NELL1: variants seen among roughly 807,000 people sequenced by gnomAD.
NELL1 encodes the protein protein kinase C-binding protein NELL1.
Under a neutral mutation model 107.4 loss-of-function variants are expected in NELL1, and 76 were observed. The observed-to-expected ratio is 0.71, with a 90% CI of 0.59 to 0.86. NELL1 has a LOEUF of 0.86. Ranked by LOEUF, NELL1 falls within the 40% of genes least tolerant of loss-of-function variation. The probability of loss-of-function intolerance (pLI) is 0.00; values close to 1 mark genes in which losing one functional copy is unlikely to be tolerated. For missense variants in NELL1, 1,024 were observed against 1,005.5 expected (o/e 1.02, Z -0.25); for synonymous variants, 353 against 341.2 (o/e 1.03, Z -0.38).
intron 12 of NELL1, among the ~76,000 whole-genome samples, chr11:21,062,815 T>A (rs1211067931): frequency 6.6e-6 from 1 of 151,860 alleles, no homozygotes; most frequent in Non-Finnish European, 1.5e-5. Flanking sequence ...TTTGTTTGTT[T>A]GTTTATTTAT....
At chr11:20,914,315 A>C (rs1251174509) in intron 5 of NELL1, among the ~76,000 whole-genome samples, 2 of 152,100 alleles carry the variant, frequency 1.3e-5, no homozygotes, top group Non-Finnish European at 2.9e-5. Context: ...CCATCAGTAC[A>C]TGTAAGATTT....
chr11:21,097,549 T>C (rs1386639480), intron 12 of NELL1, among the ~76,000 whole-genome samples: 1 of 151,660 alleles, frequency 6.6e-6, no homozygotes, highest in Non-Finnish European at 1.5e-5. Context: ...GGATGTGAGG[T>C]ACAGAGGTGG....
chr11:20,674,528 G>A, intron 1 of NELL1: 3 of 1,536,022 alleles, frequency 2.0e-6, no homozygotes, highest in Non-Finnish European at 2.6e-6. Context: ...CTGATATGGA[G>A]AACTAGAGTT....
In NELL1 at chr11:21,184,844, T is replaced by C. The variant is rs185740726; in HGVS notation, c.1427-44488T>C. 4.6e-4 allele frequency among the ~76,000 whole-genome samples: 70 copies of C among 151,996 alleles called. 3 individuals carry two copies. Among genetic ancestry groups the C allele is most frequent in the Middle Eastern group, 3.4e-3 (1 of 294 alleles). Reference sequence around the variant, plus strand: ...TGGAAAGTTTGAAGCCATCAAATAGTGAATCAACTTGTGAATTTCCTCATC... The same window carrying C: ...TGGAAAGTTTGAAGCCATCAAATAGCGAATCAACTTGTGAATTTCCTCATC... On this transcript the variant is annotated intron_variant, in intron 13 of 19. Transcript: ENST00000357134.
intron 4 of NELL1, among the ~76,000 whole-genome samples, chr11:20,874,479 G>A (rs999312083): frequency 9.9e-5 from 15 of 152,270 alleles, no homozygotes; most frequent in African/African-American, 2.6e-4. Flanking sequence ...GTATTTAGTC[G>A]AGTCACTTCA....
chr11:21,284,156 C>A (rs1220652021), intron 14 of NELL1: 1 of 439,742 alleles, frequency 2.3e-6, no homozygotes, highest in Admixed American at 2.4e-5. Flanking sequence ...TGACGACACC[C>A]TGCCACCATC....
chr11:21,015,994 C>T (rs888948037), intron 12 of NELL1, among the ~76,000 whole-genome samples: 7 of 151,988 alleles, frequency 4.6e-5, no homozygotes, highest in Admixed American at 3.3e-4. Context: ...GGTCTTGTAG[C>T]GTTTGCCTTT....
In NELL1 at chr11:21,418,952, A is replaced by G. The variant is rs564322173; in HGVS notation, c.1645+48004A>G. Among the ~76,000 whole-genome samples the G allele has an allele frequency of 9.2e-5, 14 of 152,248 alleles. No homozygotes were observed. In the South Asian group the frequency reaches 1.7e-3, roughly 18 times the overall value. On this transcript the variant is annotated intron_variant, in intron 15 of 19. Transcript: ENST00000357134. ...AAAAGCAGAGATGTTGAGGTTGTTT[A>G]TTACTACAGCATGACTAGCCTAAAA...
chr11:20,769,585 T>C (rs889682253), intron 2 of NELL1: 3 of 152,286 alleles, frequency 2.0e-5, no homozygotes, highest in African/African-American at 7.2e-5. Flanking sequence ...AATACATCTT[T>C]GAATGGGTGA....
At chr11:21,567,172 T>A (rs1301728039) in intron 17 of NELL1, among the ~76,000 whole-genome samples, 1 of 151,848 alleles carries the variant, frequency 6.6e-6, no homozygotes, top group Non-Finnish European at 1.5e-5. Context: ...AGTGATAGTG[T>A]GCCATTGGAA....
chr11:20,717,987 C>T (rs980972608), intron 2 of NELL1, among the ~76,000 whole-genome samples: 3 of 152,110 alleles, frequency 2.0e-5, no homozygotes, highest in Non-Finnish European at 2.9e-5. Flanking sequence ...TTCACTTGTT[C>T]CTGCTAATCT....
Position 21,330,481 on chromosome 11 carries a change from T to C in NELL1, c.1550-40372T>C, listed in dbSNP as rs148994662. Reference sequence around the variant, plus strand: ...TCTTTTTTTCTTCATTTTTGAAAGATAGTTTTTCTGGGAATGAGAAATTTG... The same window carrying C: ...TCTTTTTTTCTTCATTTTTGAAAGACAGTTTTTCTGGGAATGAGAAATTTG... On this transcript the variant is annotated intron_variant, in intron 14 of 19. Coordinates refer to ENST00000357134, the MANE Select transcript of NELL1 (RefSeq NM_006157.5). 3.0e-3 allele frequency among the ~76,000 whole-genome samples: 414 copies of C among 138,416 alleles called. 2 individuals are homozygous for C. Among genetic ancestry groups the C allele is most frequent in the African/African-American group, 0.011 (399 of 37,794 alleles). 90.8% of individuals were successfully genotyped at this position (138,416 alleles called of 152,430 possible). A position where few individuals can be genotyped will look rare whatever the true frequency, so the allele number is the denominator to read the frequency against.
chr11:21,212,657 C>T (rs1435878372), intron 13 of NELL1, among the ~76,000 whole-genome samples: 1 of 152,208 alleles, frequency 6.6e-6, no homozygotes, highest in Non-Finnish European at 1.5e-5. Flanking sequence ...ATTTGGCCCT[C>T]ACTTTCTCCC....
intron 14 of NELL1, among the ~76,000 whole-genome samples, chr11:21,239,829 C>T (rs1858306230): frequency 6.6e-6 from 1 of 151,996 alleles, no homozygotes; most frequent in South Asian, 2.1e-4. Flanking sequence ...CACTGCAGGG[C>T]TGGCATCTTC....
intron 5 of NELL1, among the ~76,000 whole-genome samples, chr11:20,890,960 C>A (rs947204812): frequency 6.6e-6 from 1 of 152,136 alleles, no homozygotes; most frequent in South Asian, 2.1e-4. Flanking sequence ...AGGAGAACCT[C>A]CCCATCCTAG....
At chr11:21,183,093 TGGGATTGA>T (rs1856862516) in intron 13 of NELL1, among the ~76,000 whole-genome samples, 1 of 151,922 alleles carries the variant, frequency 6.6e-6, no homozygotes, top group Non-Finnish European at 1.5e-5. Context: ...ACCACAAAGC[TGGGATTGA>T]CCTTAAACCA....
chr11:21,410,595 TTGTTA>T (rs1196570411), intron 15 of NELL1, among the ~76,000 whole-genome samples: 6 of 152,082 alleles, frequency 3.9e-5, no homozygotes, highest in African/African-American at 1.4e-4. Context: ...TAAATGTGAT[TTGTTA>T]TATGTGTGGA....
intron 12 of NELL1, among the ~76,000 whole-genome samples, chr11:21,000,667 C>A (rs116384075): frequency 6.6e-6 from 1 of 152,160 alleles, no homozygotes; most frequent in South Asian, 2.1e-4. Context: ...TTATATAGAT[C>A]AAATTAATTG....
chr11:20,850,476 G>A (rs1326831641), intron 4 of NELL1, among the ~76,000 whole-genome samples: 1 of 152,164 alleles, frequency 6.6e-6, no homozygotes, highest in Non-Finnish European at 1.5e-5. Flanking sequence ...CATTCTATTA[G>A]TTTTTCCTCT....
Sources: gnomAD v4.1 joint callset for allele counts (sites outside exome capture counted in the v4.1 genomes callset) on GRCh38, gnomAD v4.1.1 for gene constraint, MANE v1.5 for transcripts, NCBI Gene and HGNC (gene_info 2026-07-23, HGNC 2026-07-21) for gene names.